DNAH12: variants seen among roughly 807,000 people sequenced by gnomAD.
The protein encoded by DNAH12 is dynein axonemal heavy chain 12.
In DNAH12, 285 loss-of-function variants were observed where a neutral mutation model predicts 371.5. That is an observed-to-expected ratio of 0.77 (90% CI 0.70 to 0.85). DNAH12 has a LOEUF of 0.85. DNAH12 is among the 40% of genes least tolerant of loss of function. The pLI is 0.00. For synonymous variants in DNAH12, 1,200 were observed against 1,213.0 expected (o/e 0.99, Z 0.22); for missense variants, 3,611 against 3,689.4 (o/e 0.98, Z 0.55).
In DNAH12 at chr3:57,468,998, T is replaced by C. The variant is rs1244405707; in HGVS notation, c.2106-19A>G. The stretch of plus-strand genomic sequence containing the variant: ...CATCCACCTGAATGGAAAGAAAAAA[T>C]ATTATTAAACTCAGACTTTTGAAGT... On this transcript the variant is annotated intron_variant, in intron 16 of 73. Transcript: ENST00000495027. 2.0e-6 allele frequency: 3 copies of C among 1,512,218 alleles called. No homozygotes were observed. Among genetic ancestry groups the C allele is most frequent in the African/African-American group, 1.4e-5 (1 of 70,154 alleles). The allele number at this position is 1,512,218 out of a possible 1,614,324, so 93.7% of individuals were successfully genotyped here.
chr3:57,463,990 C>A (rs2066129051), intron 17 of DNAH12, among the ~76,000 whole-genome samples: 1 of 151,974 alleles, frequency 6.6e-6, no homozygotes, highest in Non-Finnish European at 1.5e-5. Flanking sequence ...GTAAGAGAAT[C>A]GGACTTCCAC....
At chr3:57,391,429 G>A (rs1436675456) in intron 45 of DNAH12, among the ~76,000 whole-genome samples, 1 of 152,128 alleles carries the variant, frequency 6.6e-6, no homozygotes, top group Non-Finnish European at 1.5e-5. Flanking sequence ...CTACATCACT[G>A]GTTTTCCTGG....
Position 57,309,726 on chromosome 3 carries a change from T to A in DNAH12, c.11025A>T (p.Thr3675=), listed in dbSNP as rs2061548511. Residue 3675 remains threonine, a synonymous_variant, in exon 68 of 74, where the codon ACA becomes ACT. Coordinates refer to ENST00000495027, the MANE Select transcript of DNAH12 (RefSeq NM_001366028.2). ...TCTGATCAGTACTTCCTGAGGCTCC[T>A]GTCTGTTTGGAGCCTCCCTGGGTGA... The part of the protein sequence containing the change: ...LLLTQGGSKQ[T]GASGSTDQIL... 1 of 1,550,746 alleles carries A rather than the reference T, an allele frequency of 6.4e-7. No homozygotes were observed. The highest frequency in any genetic ancestry group is 2.0e-5 in the Admixed American group (1 of 50,844).
intron 30 of DNAH12, among the ~76,000 whole-genome samples, chr3:57,435,620 CTG>C (rs757810096): frequency 3.3e-5 from 5 of 151,922 alleles, no homozygotes; most frequent in South Asian, 2.1e-4. Flanking sequence ...ACCAAAAAAA[CTG>C]TGAGTCTAGT....
intron 39 of DNAH12, among the ~76,000 whole-genome samples, chr3:57,410,913 C>T (rs186311224): frequency 1.0e-3 from 157 of 151,818 alleles, no homozygotes; most frequent in African/African-American, 3.6e-3. Flanking sequence ...CTACAGCTAA[C>T]ATCATACTTA....
intron 45 of DNAH12, among the ~76,000 whole-genome samples, chr3:57,390,199 A>G (rs2063585961): frequency 6.9e-6 from 1 of 145,510 alleles, no homozygotes; most frequent in Non-Finnish European, 1.5e-5. Context: ...GGACTTTGGG[A>G]GGCTGAGGTG....
rs1360109528 is a variant in DNAH12 at position 57,452,840 on chromosome 3, T to C, written c.3786+3A>G. The C allele has an allele frequency of 6.5e-7, 1 of 1,536,870 alleles. No individual in the cohort carries two copies. The highest frequency in any genetic ancestry group is 2.2e-5 in the Admixed American group (1 of 46,424). ...TGTGAATTAAGATAATTTAAATGCA[T>C]ACCAATGTTCTGTAACACCTGTCAG... On this transcript the variant is annotated splice_donor_region_variant and intron_variant, in intron 25 of 73. Transcript: ENST00000495027.
chr3:57,371,040 G>T (rs959511499), intron 55 of DNAH12, among the ~76,000 whole-genome samples: 2 of 152,120 alleles, frequency 1.3e-5, no homozygotes, highest in South Asian at 4.1e-4. Flanking sequence ...GTGTAGCTGT[G>T]GGTCTATATC....
intron 28 of DNAH12, 38 bp from the exon 29 acceptor site, chr3:57,444,854 C>T (rs1172165451): frequency 1.8e-5 from 28 of 1,524,230 alleles, no homozygotes; most frequent in Non-Finnish European, 2.5e-5. Flanking sequence ...AAGTTAGTTG[C>T]CAGCAATTGC....
chr3:57,424,551 G>A (rs1414821272), intron 35 of DNAH12, among the ~76,000 whole-genome samples: 1 of 151,868 alleles, frequency 6.6e-6, no homozygotes, highest in Non-Finnish European at 1.5e-5. Context: ...GCCGATGCGG[G>A]TGGATCACGA....
chr3:57,319,526 T>C (rs1304988845), intron 65 of DNAH12, among the ~76,000 whole-genome samples: 1 of 152,136 alleles, frequency 6.6e-6, no homozygotes, highest in Non-Finnish European at 1.5e-5. Flanking sequence ...TTGGCTTTTA[T>C]TATGTTGAGG....
At chr3:57,434,124 G>A (rs1302494940) in intron 30 of DNAH12, among the ~76,000 whole-genome samples, 1 of 152,184 alleles carries the variant, frequency 6.6e-6, no homozygotes. Flanking sequence ...CCACTAAGGA[G>A]AGAACTGGGA....
At chr3:57,540,271 G>GAT (rs2069222464) in intron 2 of DNAH12, among the ~76,000 whole-genome samples, 1 of 151,076 alleles carries the variant, frequency 6.6e-6, no homozygotes, top group Non-Finnish European at 1.5e-5. Context: ...GGTTGGCCTC[G>GAT]TACTCCTGAC....
intron 25 of DNAH12, among the ~76,000 whole-genome samples, chr3:57,448,086 C>A (rs540801942): frequency 2.0e-5 from 3 of 152,178 alleles, no homozygotes; most frequent in Admixed American, 6.5e-5. Context: ...CAAACATGTT[C>A]CCTTTATTGT....
upstream of DNAH12, among the ~76,000 whole-genome samples, chr3:57,545,868 C>T (rs2069539170): frequency 6.6e-6 from 1 of 152,094 alleles, no homozygotes; most frequent in Non-Finnish European, 1.5e-5. Flanking sequence ...TGCCTTTGTC[C>T]TTTGTATAGT....
rs919501485 is a variant in DNAH12, at chr3:57,495,642, T to A, written c.1335+5679A>T. Among the ~76,000 whole-genome samples, 44 of 146,280 alleles carry A rather than the reference T, an allele frequency of 3.0e-4. 1 individual carries two copies. The highest frequency in any genetic ancestry group is 1.0e-3 in the African/African-American group (40 of 39,876). ...TATATTATATATATTTTTATGTATT[T>A]ATATAATATATAAATATATAAATAT... On this transcript the variant is annotated intron_variant, in intron 11 of 73. Coordinates refer to ENST00000495027, the MANE Select transcript of DNAH12 (RefSeq NM_001366028.2).
intron 12 of DNAH12, among the ~76,000 whole-genome samples, chr3:57,484,944 A>G (rs1365897663): frequency 6.6e-6 from 1 of 152,238 alleles, no homozygotes. Context: ...GCTCAACATA[A>G]CTAATCATCA....
chr3:57,460,226 C>T (rs574609206), intron 19 of DNAH12, among the ~76,000 whole-genome samples: 1 of 152,160 alleles, frequency 6.6e-6, no homozygotes, highest in Middle Eastern at 3.4e-3. Context: ...TGCAGTTAAA[C>T]AACCTATAAT....
rs374197229 is a variant in DNAH12, at chr3:57,510,776, T to A, written c.469+14A>T. 2.3e-5 allele frequency: 37 copies of A among 1,612,042 alleles called. No homozygotes were observed. The highest frequency in any genetic ancestry group is 3.1e-5 in the Non-Finnish European group (36 of 1,179,488). On this transcript the variant is annotated intron_variant, in intron 5 of 73. Coordinates refer to ENST00000495027, the MANE Select transcript of DNAH12 (RefSeq NM_001366028.2). ...AAGGTGAAAGAAGCCTGGTGTGTGT[T>A]AGATGCTACTTACCCAAATATCTCT...
Sources: allele counts gnomAD v4.1 joint callset (sites outside exome capture counted in the v4.1 genomes callset), GRCh38; gene constraint gnomAD v4.1.1; transcripts MANE v1.5; gene names NCBI Gene and HGNC (gene_info 2026-07-23, HGNC 2026-07-21).